PROS1: variants seen among roughly 807,000 people sequenced by gnomAD.
PROS1 encodes the protein vitamin K-dependent protein S.
In PROS1, 29 loss-of-function variants were observed where a neutral mutation model predicts 75.9. That is an observed-to-expected ratio of 0.38 (90% CI 0.28 to 0.52). The LOEUF (loss-of-function observed/expected upper bound fraction) is 0.52. Ranked by LOEUF, PROS1 falls within the 20% of genes least tolerant of loss-of-function variation. The pLI is 0.83. For synonymous variants in PROS1, 245 were observed against 280.6 expected, an observed-to-expected ratio of 0.87 and a Z score of 1.27; for missense variants, 680 against 810.3, an observed-to-expected ratio of 0.84 and a Z score of 1.95.
In PROS1 at chr3:93,873,994, T is replaced by C; in HGVS notation, c.*251A>G. ...AAACAAAAATTGAAACTGTCATTTG[T>C]AGGAAAAAAATTCAAATTTAAAATT... On this transcript the variant is annotated 3_prime_UTR_variant, in exon 15 of 15. Coordinates refer to ENST00000394236, the MANE Select transcript of PROS1 (RefSeq NM_000313.4). 2.4e-6 allele frequency: 1 copy of C among 413,630 alleles called. No homozygotes were observed. Among genetic ancestry groups the C allele is most frequent in the South Asian group, 3.4e-5 (1 of 29,674 alleles). The allele number at this position is 413,630 out of a possible 1,614,324, so 25.6% of individuals were successfully genotyped here.
intron 1 of PROS1, among the ~76,000 whole-genome samples, chr3:93,953,231 C>T (rs966342813): frequency 2.6e-5 from 4 of 152,154 alleles, no homozygotes; most frequent in Non-Finnish European, 5.9e-5. Context: ...TTTTATGAGG[C>T]CAGCATCATC....
chr3:93,953,100 C>A (rs1709533439), intron 1 of PROS1, among the ~76,000 whole-genome samples: 1 of 151,874 alleles, frequency 6.6e-6, no homozygotes. Context: ...GCCTACCAAC[C>A]AAAAAAAGAC....
intron 3 of PROS1, among the ~76,000 whole-genome samples, chr3:93,916,666 A>G (rs1303575921): frequency 3.3e-5 from 5 of 152,152 alleles, no homozygotes; most frequent in African/African-American, 1.2e-4. Context: ...GCTTCTGTAA[A>G]CTGATGCGGA....
chr3:93,945,521 A>G (rs993973028), intron 1 of PROS1, among the ~76,000 whole-genome samples: 1 of 152,200 alleles, frequency 6.6e-6, no homozygotes, highest in Non-Finnish European at 1.5e-5. Flanking sequence ...AAATCAATAA[A>G]TCTAATCCAT....
chr3:93,878,529 TAGAC>T (rs1216450800), intron 13 of PROS1, among the ~76,000 whole-genome samples: 1 of 152,226 alleles, frequency 6.6e-6, no homozygotes, highest in Non-Finnish European at 1.5e-5. Flanking sequence ...GGATGACACA[TAGAC>T]AGAACGACTA....
chr3:93,952,580 T>C (rs1483796033), intron 1 of PROS1, among the ~76,000 whole-genome samples: 1 of 152,116 alleles, frequency 6.6e-6, no homozygotes, highest in Non-Finnish European at 1.5e-5. Flanking sequence ...TTTAAAGCAG[T>C]GTGTAGAGGG....
intron 1 of PROS1, among the ~76,000 whole-genome samples, chr3:93,971,528 A>G (rs1192603491): frequency 6.6e-6 from 1 of 151,814 alleles, no homozygotes; most frequent in Admixed American, 6.6e-5. Context: ...CACTTTGGGC[A>G]GCCAAAGTAG....
At chr3:93,902,544 G>A (rs1224223420) in intron 6 of PROS1, among the ~76,000 whole-genome samples, 1 of 151,892 alleles carries the variant, frequency 6.6e-6, no homozygotes, top group Non-Finnish European at 1.5e-5. Context: ...CTTGAGCTCA[G>A]GCGTTCAAGA....
At chr3:93,952,711 C>A (rs982361466) in intron 1 of PROS1, among the ~76,000 whole-genome samples, 42 of 151,984 alleles carry the variant, frequency 2.8e-4, no homozygotes, top group Non-Finnish European at 4.9e-4. Context: ...TAGCAGAAGG[C>A]AAGAAATAAC....
At chr3:93,969,243 TG>T (rs1709839127) in intron 1 of PROS1, among the ~76,000 whole-genome samples, 1 of 149,734 alleles carries the variant, frequency 6.7e-6, no homozygotes, top group African/African-American at 2.5e-5. Flanking sequence ...ACCTAGGAAA[TG>T]GAAGCCTCAA....
intron 3 of PROS1, among the ~76,000 whole-genome samples, chr3:93,914,104 C>T (rs556387343): frequency 8.0e-4 from 122 of 152,236 alleles, no homozygotes; most frequent in Non-Finnish European, 1.6e-3. Context: ...GGCCATGCTG[C>T]GGCTCTCACA....
intron 9 of PROS1, among the ~76,000 whole-genome samples, chr3:93,895,983 A>G (rs1458610156): frequency 6.6e-6 from 1 of 152,166 alleles, no homozygotes; most frequent in Non-Finnish European, 1.5e-5. Context: ...TAAATATAAT[A>G]AAATAAAAAT....
intron 1 of PROS1, among the ~76,000 whole-genome samples, chr3:93,944,810 G>A (rs1329503936): frequency 6.6e-6 from 1 of 151,996 alleles, no homozygotes; most frequent in African/African-American, 2.4e-5. Flanking sequence ...TAAGATCAGA[G>A]CAGAACTGAA....
In PROS1 at chr3:93,885,472, C is replaced by G. The variant is rs532431263; in HGVS notation, c.1324-576G>C. On this transcript the variant is annotated intron_variant, in intron 11 of 14. Coordinates refer to ENST00000394236, the MANE Select transcript of PROS1 (RefSeq NM_000313.4). ...AACTCCTGACCTCAGGTGATCCACC[C>G]GCCTCGGCCTCCCAAATTGCTGGGA... Among the ~76,000 whole-genome samples, 5 of 152,048 alleles carry G rather than the reference C, an allele frequency of 3.3e-5. No individual in the cohort carries two copies. In the East Asian group the frequency reaches 7.7e-4, roughly 24 times the overall value.
chr3:93,957,586 A>G (rs1166268397), intron 1 of PROS1, among the ~76,000 whole-genome samples: 1 of 152,188 alleles, frequency 6.6e-6, no homozygotes, highest in Non-Finnish European at 1.5e-5. Flanking sequence ...GAAATGATAA[A>G]TATTTGAAGT....
intron 1 of PROS1, among the ~76,000 whole-genome samples, chr3:93,946,394 G>C (rs933254819): frequency 2.4e-4 from 37 of 152,156 alleles, no homozygotes; most frequent in African/African-American, 8.5e-4. Context: ...CATGCTACAT[G>C]ACTTCAAACT....
chr3:93,876,649 G>T (rs937903096), intron 14 of PROS1, among the ~76,000 whole-genome samples: 2 of 140,118 alleles, frequency 1.4e-5, no homozygotes, highest in South Asian at 2.4e-4. Flanking sequence ...AATAATAGAT[G>T]AATAAATATT....
chr3:93,946,118 A>C (rs1192774837), intron 1 of PROS1, among the ~76,000 whole-genome samples: 2 of 152,202 alleles, frequency 1.3e-5, no homozygotes, highest in African/African-American at 2.4e-5. Flanking sequence ...GGACCTCTTC[A>C]AGGAGAACTA....
chr3:93,903,611 T>C (rs1284204708), intron 6 of PROS1, among the ~76,000 whole-genome samples: 3 of 152,096 alleles, frequency 2.0e-5, no homozygotes, highest in Non-Finnish European at 4.4e-5. Flanking sequence ...CTGTATTGAG[T>C]TGAGATCGTT....
Sources: allele counts gnomAD v4.1 joint callset (sites outside exome capture counted in the v4.1 genomes callset), GRCh38; gene constraint gnomAD v4.1.1; transcripts MANE v1.5; gene names NCBI Gene and HGNC (gene_info 2026-07-23, HGNC 2026-07-21).